The following L3MBTL3 variants were observed in gnomAD, a reference collection of about 807,000 sequenced individuals.
The protein encoded by L3MBTL3 is L3MBTL histone methyl-lysine binding protein 3.
A neutral mutation model predicts 102.3 loss-of-function variants in L3MBTL3; 27 were observed. The ratio of observed to expected loss-of-function variants is 0.26; its 90% CI spans 0.19 to 0.36. L3MBTL3 has a LOEUF of 0.36. L3MBTL3 is among the 10% of genes least tolerant of loss of function. L3MBTL3 has a pLI of 1.00. For missense variants in L3MBTL3, 798 were observed against 955.3 expected (o/e 0.84, Z 2.17); for synonymous variants, 340 against 320.9 (o/e 1.06, Z -0.64).
intron 20 of L3MBTL3, among the ~76,000 whole-genome samples, chr6:130,131,461 C>CA (rs1317390501): frequency 5.3e-5 from 8 of 152,168 alleles, no homozygotes; most frequent in African/African-American, 1.9e-4. Context: ...GCTGCGACCT[C>CA]AGAGTTTCAC....
At chr6:130,058,990 T>G (rs1456571707) in intron 9 of L3MBTL3, among the ~76,000 whole-genome samples, 3 of 152,186 alleles carry the variant, frequency 2.0e-5, no homozygotes, top group African/African-American at 7.2e-5. Flanking sequence ...AATATTTAAT[T>G]TAAATATAGT....
chr6:130,041,140 T>C (rs1780397764), intron 2 of L3MBTL3, among the ~76,000 whole-genome samples: 1 of 152,248 alleles, frequency 6.6e-6, no homozygotes. Context: ...GAAATGCTGC[T>C]AAAGAATTTC....
intron 8 of L3MBTL3, among the ~76,000 whole-genome samples, chr6:130,057,022 T>A (rs1042324921): frequency 6.6e-6 from 1 of 152,234 alleles, no homozygotes; most frequent in African/African-American, 2.4e-5. Context: ...TTTTCAAGAT[T>A]AGCAGCCACT....
At chr6:130,108,275 C>G (rs1451969980) in intron 19 of L3MBTL3, among the ~76,000 whole-genome samples, 1 of 135,010 alleles carries the variant, frequency 7.4e-6, no homozygotes, top group Non-Finnish European at 1.6e-5. Flanking sequence ...TGCTCTGTCA[C>G]CCAGGCTGGA....
At position 130,052,967 on chromosome 6, in the gene L3MBTL3, T is replaced by A; in HGVS notation, c.558T>A (p.Asp186Glu). Residue 186 changes from aspartate to glutamate, a missense_variant, in exon 7 of 23, where the codon GAT (aspartate) becomes GAA (glutamate). Transcript: ENST00000361794. ...KLSLKADTKE[D>E]GEERDDEMEN... is the part of the protein sequence containing the mutation. ...CTCTGAAAGCTGACACCAAGGAGGA[T>A]GGAGAAGAGAGAGATGATGAAATGG... 2 of 1,613,468 alleles carry A rather than the reference T, an allele frequency of 1.2e-6. No individual in the cohort carries two copies. Among genetic ancestry groups the A allele is most frequent in the Non-Finnish European group, 1.7e-6 (2 of 1,179,464 alleles).
At chr6:130,092,554 A>G (rs540018046) in intron 16 of L3MBTL3, among the ~76,000 whole-genome samples, 191 bp from the exon 17 acceptor site, 1 of 152,200 alleles carries the variant, frequency 6.6e-6, no homozygotes, top group South Asian at 2.1e-4. Context: ...GTTATATAAT[A>G]CATTGAAGGT....
intron 20 of L3MBTL3, among the ~76,000 whole-genome samples, chr6:130,129,307 CATT>C (rs1562339197): frequency 6.6e-6 from 1 of 152,114 alleles, no homozygotes; most frequent in African/African-American, 2.4e-5. Context: ...TTTGATTAAA[CATT>C]AGACTGAATA....
chr6:130,123,352 G>A (rs1350058231), intron 20 of L3MBTL3, among the ~76,000 whole-genome samples: 1 of 151,942 alleles, frequency 6.6e-6, no homozygotes. Flanking sequence ...AATTTTTCAA[G>A]TCATTTATTT....
intron 3 of L3MBTL3, among the ~76,000 whole-genome samples, chr6:130,048,006 A>T (rs1780832434): frequency 6.6e-6 from 1 of 152,172 alleles, no homozygotes; most frequent in African/African-American, 2.4e-5. Flanking sequence ...TTCCTTAACC[A>T]TTTCCACACG....
chr6:130,085,971 T>C (rs1392046922), intron 15 of L3MBTL3, among the ~76,000 whole-genome samples, 169 bp from the exon 16 acceptor site: 1 of 151,470 alleles, frequency 6.6e-6, no homozygotes, highest in Non-Finnish European at 1.5e-5. Flanking sequence ...CAGGCTGGTC[T>C]CAAACTCCTG....
intron 9 of L3MBTL3, among the ~76,000 whole-genome samples, chr6:130,058,144 C>G (rs1271607094): frequency 1.5e-5 from 1 of 68,412 alleles, no homozygotes; most frequent in Non-Finnish European, 2.9e-5. Context: ...AGCAAGACTC[C>G]GTCTCAAAAA....
chr6:130,111,214 C>T (rs562173273), intron 19 of L3MBTL3, among the ~76,000 whole-genome samples: 34 of 152,268 alleles, frequency 2.2e-4, no homozygotes, highest in East Asian at 3.9e-4. Context: ...TTAGTTGTCA[C>T]GCTGGTTACC....
At position 130,062,641 on chromosome 6, in the gene L3MBTL3, C is replaced by A. The variant is rs140592488; in HGVS notation, c.864+2501C>A. 9.7e-4 allele frequency among the ~76,000 whole-genome samples: 146 copies of A among 151,170 alleles called. 2 individuals are homozygous for A. The highest frequency in any genetic ancestry group is 3.3e-3 in the African/African-American group (137 of 41,188). On this transcript the variant is annotated intron_variant, in intron 10 of 22. Coordinates refer to ENST00000361794, the MANE Select transcript of L3MBTL3 (RefSeq NM_032438.4). ...AAGTCCTGGGCTCAAGCAGTCCTCCCATCTTGGCCTCCCAAAGTGCTTGTA... is the reference window on the plus strand; with the variant it reads ...AAGTCCTGGGCTCAAGCAGTCCTCCAATCTTGGCCTCCCAAAGTGCTTGTA...
intron 16 of L3MBTL3, among the ~76,000 whole-genome samples, chr6:130,087,570 T>C (rs1206129365): frequency 6.6e-6 from 1 of 152,186 alleles, no homozygotes; most frequent in Non-Finnish European, 1.5e-5. Flanking sequence ...AAGAGCAGTT[T>C]GGCAATAGGT....
chr6:130,122,264 A>G (rs1344979762), intron 20 of L3MBTL3, among the ~76,000 whole-genome samples: 2 of 152,256 alleles, frequency 1.3e-5, no homozygotes, highest in African/African-American at 4.8e-5. Flanking sequence ...CTATTTCATA[A>G]GTGATGCTTT....
intron 2 of L3MBTL3, among the ~76,000 whole-genome samples, chr6:130,025,566 T>A (rs1381270842): frequency 6.6e-6 from 1 of 152,144 alleles, no homozygotes; most frequent in African/African-American, 2.4e-5. Flanking sequence ...TTTGGAGGAA[T>A]GAACAAGGAT....
chr6:130,109,915 T>C (rs1582590251), intron 19 of L3MBTL3, among the ~76,000 whole-genome samples: 1 of 152,248 alleles, frequency 6.6e-6, no homozygotes, highest in Non-Finnish European at 1.5e-5. Flanking sequence ...TTTCTGCATA[T>C]GGCTAGCCAG....
chr6:130,109,026 G>A (rs1034622235), intron 19 of L3MBTL3, among the ~76,000 whole-genome samples: 6 of 152,124 alleles, frequency 3.9e-5, no homozygotes, highest in African/African-American at 1.4e-4. Flanking sequence ...TCCCTGCAAA[G>A]GACATGAACT....
chr6:130,030,009 C>T (rs1005915966), intron 2 of L3MBTL3, among the ~76,000 whole-genome samples: 1 of 152,082 alleles, frequency 6.6e-6, no homozygotes, highest in Non-Finnish European at 1.5e-5. Context: ...TTTTCAGTCA[C>T]CACCACACCC....
Sources: allele counts gnomAD v4.1 joint callset (sites outside exome capture counted in the v4.1 genomes callset), GRCh38; gene constraint gnomAD v4.1.1; transcripts MANE v1.5; gene names NCBI Gene and HGNC (gene_info 2026-07-23, HGNC 2026-07-21).